The following DNAH6 variants were observed in gnomAD, a reference collection of about 807,000 sequenced individuals.
The protein encoded by DNAH6 is axonemal beta dynein heavy chain 6.
Under a neutral mutation model 491.4 loss-of-function variants are expected in DNAH6, and 340 were observed. The ratio of observed to expected loss-of-function variants is 0.69; its 90% CI spans 0.63 to 0.76. DNAH6 has a LOEUF of 0.76. Among genes scored for constraint, DNAH6 ranks in the 30% least tolerant of loss-of-function variants. The pLI, the probability that DNAH6 is intolerant of heterozygous loss-of-function variation, is 0.00. For synonymous variants in DNAH6, 1,603 were observed against 1,686.1 expected, an observed-to-expected ratio of 0.95 and a Z score of 1.21; for missense variants, 4,443 against 4,972.2, an observed-to-expected ratio of 0.89 and a Z score of 3.20.
chr2:84,465,460 A>C, the DNAH6 span, among the ~76,000 whole-genome samples: 1 of 152,064 alleles, frequency 6.6e-6, no homozygotes, highest in Non-Finnish European at 1.5e-5. Context: ...GCACCACTGC[A>C]CTCCAGCCTG....
chr2:84,695,517 G>C (rs1441920868), intron 46 of DNAH6, among the ~76,000 whole-genome samples: 5 of 152,040 alleles, frequency 3.3e-5, no homozygotes, highest in African/African-American at 4.8e-5. Context: ...GCATGTATAA[G>C]AATATCTATT....
At chr2:84,750,114 A>AT (rs1436188685) in intron 63 of DNAH6, among the ~76,000 whole-genome samples, 1 of 151,950 alleles carries the variant, frequency 6.6e-6, no homozygotes, top group African/African-American at 2.4e-5. Context: ...ATATTTGATA[A>AT]TATTAAGGAA....
At chr2:84,727,575 T>G in intron 60 of DNAH6, 94 bp from the exon 61 acceptor site, 2 of 733,044 alleles carry the variant, frequency 2.7e-6, no homozygotes, top group Non-Finnish European at 4.7e-6. Flanking sequence ...ATGCTGCCAT[T>G]TACTCACTGA....
At chr2:84,633,477 G>A (rs1688590696) in intron 29 of DNAH6, among the ~76,000 whole-genome samples, 1 of 151,266 alleles carries the variant, frequency 6.6e-6, no homozygotes, top group South Asian at 2.1e-4. Flanking sequence ...TTCCAAGTGT[G>A]GATCTTTGCC....
Position 84,525,699 on chromosome 2 carries a change from T to G in DNAH6, c.360T>G (p.Thr120=). The change falls in exon 3 of 77, where the codon ACT becomes ACG. Residue 120 remains threonine, a synonymous_variant. Transcript: ENST00000389394. ...IAKKSFATSS[T]QFLEHQDAVK... ...AAAAAAGTTTTGCCACATCATCTAC[T>G]CAGTTTCTTGAGCATCAAGATGCTG... 6.5e-7 allele frequency: 1 copy of G among 1,549,324 alleles called. No individual in the cohort carries two copies. The highest frequency in any genetic ancestry group is 8.7e-7 in the Non-Finnish European group (1 of 1,145,938).
chr2:84,497,392 A>G, the DNAH6 span, among the ~76,000 whole-genome samples: 1 of 152,202 alleles, frequency 6.6e-6, no homozygotes, highest in Non-Finnish European at 1.5e-5. Flanking sequence ...AAGTATTACA[A>G]ATAAAGCTGC....
intron 30 of DNAH6, among the ~76,000 whole-genome samples, chr2:84,635,649 G>A (rs1688814105): frequency 6.6e-6 from 1 of 152,198 alleles, no homozygotes; most frequent in Non-Finnish European, 1.5e-5. Flanking sequence ...CTGGAGAGCA[G>A]CTACATGAGG....
intron 11 of DNAH6, among the ~76,000 whole-genome samples, chr2:84,567,936 G>A (rs1169139137): frequency 6.6e-6 from 1 of 152,010 alleles, no homozygotes; most frequent in East Asian, 1.9e-4. Context: ...AGACATTTAT[G>A]TGGCATATGT....
chr2:84,612,496 A>G (rs542855592), intron 22 of DNAH6, among the ~76,000 whole-genome samples: 5 of 152,278 alleles, frequency 3.3e-5, no homozygotes, highest in Non-Finnish European at 7.4e-5. Flanking sequence ...ATCCTCAGAC[A>G]GCTTCCCTGA....
chr2:84,677,207 A>G, intron 41 of DNAH6, 71 bp downstream of exon 41: 1 of 1,536,278 alleles, frequency 6.5e-7, no homozygotes, highest in Non-Finnish European at 8.8e-7. Context: ...CCCACAATCA[A>G]AGTGGTGTCT....
chr2:84,662,254 C>T (rs1439119652), intron 37 of DNAH6, among the ~76,000 whole-genome samples: 6 of 152,098 alleles, frequency 3.9e-5, no homozygotes, highest in Admixed American at 3.9e-4. Context: ...CCAGGTTCAT[C>T]TCACTGGGGC....
In DNAH6 at chr2:84,812,325, T is replaced by C; in HGVS notation, c.11740-16T>C. The C allele has an allele frequency of 1.1e-5, 17 of 1,548,182 alleles. No individual in the cohort carries two copies. The highest frequency in any genetic ancestry group is 1.5e-5 in the Non-Finnish European group (17 of 1,144,752). On this transcript the variant is annotated splice_polypyrimidine_tract_variant and intron_variant, in intron 72 of 76. Transcript: ENST00000389394. ...GACATCTGCAAAGGCCACCAACCCC[T>C]TTTTTGTTCTTTCAGACTTCTCTGG... is the stretch of plus-strand genomic sequence containing the variant.
chr2:84,770,874 C>T (rs926277040), intron 64 of DNAH6, among the ~76,000 whole-genome samples: 1 of 151,984 alleles, frequency 6.6e-6, no homozygotes, highest in Non-Finnish European at 1.5e-5. Flanking sequence ...CCTGTAGTCC[C>T]AGCTACTTCG....
intron 45 of DNAH6, among the ~76,000 whole-genome samples, chr2:84,690,442 C>T (rs925597766): frequency 2.6e-5 from 4 of 152,190 alleles, no homozygotes; most frequent in South Asian, 2.1e-4. Flanking sequence ...TTATTCCCAT[C>T]GCTCAGGCAG....
At chr2:84,784,672 T>G in intron 65 of DNAH6, 50 bp from the exon 66 acceptor site, 1 of 1,187,386 alleles carries the variant, frequency 8.4e-7, no homozygotes, top group Non-Finnish European at 1.2e-6. Flanking sequence ...AAAGTGCTAC[T>G]ACCAACTAAA....
At chr2:84,686,635 A>G (rs925378397) in intron 44 of DNAH6, 78 bp downstream of exon 44, 32 of 947,386 alleles carry the variant, frequency 3.4e-5, no homozygotes, top group Non-Finnish European at 4.7e-5. Context: ...TGAATATTCT[A>G]TAAAAACTTT....
intron 40 of DNAH6, among the ~76,000 whole-genome samples, chr2:84,673,425 G>C (rs997972579): frequency 6.6e-6 from 1 of 152,184 alleles, no homozygotes; most frequent in Non-Finnish European, 1.5e-5. Context: ...GATGAGGGTC[G>C]AGCCTCCTGT....
chr2:84,625,202 G>A, intron 29 of DNAH6, 139 bp downstream of exon 29: 1 of 816,306 alleles, frequency 1.2e-6, no homozygotes, highest in Non-Finnish European at 1.8e-6. Context: ...TGGTTAAAGT[G>A]GAATAAATAG....
At position 84,548,349 on chromosome 2, in the gene DNAH6, T is replaced by C. The variant is rs902169852; in HGVS notation, c.1248T>C (p.Tyr416=). Residue 416 remains tyrosine, a synonymous_variant, in exon 8 of 77, where the codon TAT becomes TAC. Transcript: ENST00000389394. ...FINTPHELPT[Y]GDSEKMTYTE... Reference sequence around the variant, plus strand: ...ATACACCACATGAGTTGCCCACTTATGGAGACTCTGAGAAAATGACATATA... The same window carrying C: ...ATACACCACATGAGTTGCCCACTTACGGAGACTCTGAGAAAATGACATATA... 6 of 1,613,972 alleles carry C rather than the reference T, an allele frequency of 3.7e-6. No homozygotes were observed. The highest frequency in any genetic ancestry group is 2.2e-5 in the East Asian group (1 of 44,848).
Sources: allele counts gnomAD v4.1 joint callset (sites outside exome capture counted in the v4.1 genomes callset), GRCh38; gene constraint gnomAD v4.1.1; transcripts MANE v1.5; gene names NCBI Gene and HGNC (gene_info 2026-07-23, HGNC 2026-07-21).